Variants in TCF3 observed in about 807,000 individuals in gnomAD.
TCF3 encodes transcription factor E2-alpha.
TCF3 carries 54 observed loss-of-function variants against 72.3 expected under a neutral mutation model. The observed-to-expected ratio is 0.75, with a 90% CI of 0.60 to 0.94. The LOEUF (loss-of-function observed/expected upper bound fraction) is 0.94. Among genes scored for constraint, TCF3 ranks in the 40% least tolerant of loss-of-function variants. TCF3 has a pLI of 0.00. For missense variants in TCF3, 1,078 were observed against 934.4 expected, an observed-to-expected ratio of 1.15 and a Z score of -2.00; for synonymous variants, 525 against 412.6, an observed-to-expected ratio of 1.27 and a Z score of -3.30.
chr19:1,646,411 A>G lies in TCF3; in HGVS notation c.89T>C (p.Val30Ala). 2 of 1,550,126 alleles carry G rather than the reference A, an allele frequency of 1.3e-6. No individual in the cohort carries two copies. The change falls in exon 3 of 19, where the codon GTC (valine) becomes GCC (alanine). Residue 30 changes from valine (V) to alanine (A), a missense_variant. Coordinates refer to ENST00000262965, the MANE Select transcript of TCF3 (RefSeq NM_003200.5). The stretch of plus-strand genomic sequence containing the variant: ...GGCGGGCCGGCCCTTCCCGTTGGTG[A>G]CAGGCAGCGGGAACATCTGCAGGGA... The part of the protein sequence containing the change: ...LDFSMMFPLP[V>A]TNGKGRPASL...
chr19:1,651,742 C>T (rs2145840324), intron 1 of TCF3, among the ~76,000 whole-genome samples: 1 of 151,984 alleles, frequency 6.6e-6, no homozygotes, highest in African/African-American at 2.4e-5. Flanking sequence ...GCCTTTGAAG[C>T]TCGCAGCGCG....
rs769011342 is a variant in TCF3, at chr19:1,612,347, C to T, written c.1823-498G>A. Reference sequence around the variant, plus strand: ...GAAGGCCTCGTTAATATCCCGCACGCGCACCCGCTCCCGCGCGTTATTGGC... The same window carrying T: ...GAAGGCCTCGTTAATATCCCGCACGTGCACCCGCTCCCGCGCGTTATTGGC... On this transcript the variant is annotated intron_variant, in intron 18 of 18. Transcript: ENST00000262965. 9 of 1,613,964 alleles carry T rather than the reference C, an allele frequency of 5.6e-6. No individual in the cohort carries two copies. The highest frequency in any genetic ancestry group is 1.7e-5 in the Admixed American group (1 of 60,022).
chr19:1,629,679 C>T (rs2063461555), intron 5 of TCF3, among the ~76,000 whole-genome samples: 1 of 152,182 alleles, frequency 6.6e-6, no homozygotes, highest in Non-Finnish European at 1.5e-5. Context: ...AGGACCTGAG[C>T]CACTTAAATC....
At chr19:1,640,346 T>G (rs1158640333) in intron 3 of TCF3, among the ~76,000 whole-genome samples, 2 of 151,780 alleles carry the variant, frequency 1.3e-5, no homozygotes, top group East Asian at 3.9e-4. Flanking sequence ...CTGTCCTGGC[T>G]AACACGGTGA....
intron 3 of TCF3, among the ~76,000 whole-genome samples, chr19:1,641,157 G>A (rs550828440): frequency 1.0e-3 from 103 of 101,006 alleles, no homozygotes; most frequent in African/African-American, 4.8e-3. Flanking sequence ...AGCAAAACTC[G>A]GTCTCAAAAA....
At chr19:1,627,750 C>A (rs532960801) in intron 5 of TCF3, among the ~76,000 whole-genome samples, 12 of 151,378 alleles carry the variant, frequency 7.9e-5, no homozygotes, top group African/African-American at 2.4e-4. Flanking sequence ...GGGGGTGGGG[C>A]GGAAAGGGGA....
At chr19:1,639,771 A>C (rs1346199508) in intron 3 of TCF3, among the ~76,000 whole-genome samples, 1 of 151,076 alleles carries the variant, frequency 6.6e-6, no homozygotes, top group Non-Finnish European at 1.5e-5. Context: ...AAAAAAAAAA[A>C]AAAGGAACAA....
At chr19:1,640,557 A>C (rs139344645) in intron 3 of TCF3, among the ~76,000 whole-genome samples, 1 of 134,252 alleles carries the variant, frequency 7.4e-6, no homozygotes, top group Non-Finnish European at 1.6e-5. Context: ...AGTGGCTCAC[A>C]CCTGTAATCC....
chr19:1,613,099 GCA>G (rs2061201007), intron 18 of TCF3, among the ~76,000 whole-genome samples: 1 of 152,120 alleles, frequency 6.6e-6, no homozygotes, highest in African/African-American at 2.4e-5. Context: ...GGTGTGGACA[GCA>G]GTGGGGGTAC....
intron 8 of TCF3, among the ~76,000 whole-genome samples, chr19:1,623,041 G>A (rs1198443515): frequency 6.6e-6 from 1 of 152,148 alleles, no homozygotes; most frequent in Non-Finnish European, 1.5e-5. Context: ...GGAAGGAGGG[G>A]AGTGAGTGAT....
intron 8 of TCF3, among the ~76,000 whole-genome samples, chr19:1,623,322 A>C (rs1474161776): frequency 1.3e-5 from 2 of 150,250 alleles, no homozygotes; most frequent in Non-Finnish European, 3.0e-5. Flanking sequence ...GGAGGCAGGG[A>C]TGCGGGGCAG....
At chr19:1,627,511 A>T (rs533193743) in intron 5 of TCF3, 85 bp from the exon 6 acceptor site, 383 of 1,250,244 alleles carry the variant, frequency 3.1e-4, no homozygotes, top group East Asian at 2.0e-3. Context: ...TGCCTACAAT[A>T]GGCTCTCAGT....
In TCF3 at chr19:1,615,273, G is replaced by GC; in HGVS notation, c.1822+11dup. 1 of 1,575,298 alleles carries GC rather than the reference G, an allele frequency of 6.3e-7. No homozygotes were observed. The highest frequency in any genetic ancestry group is 8.7e-7 in the Non-Finnish European group (1 of 1,155,480). ...CGCTGCAGGGACGCTGGTGGCCCGC[G>GC]CCCCCACTGACCTCGCACTTGCTGC... On this transcript the variant is annotated intron_variant, in intron 18 of 18. Coordinates refer to ENST00000262965, the MANE Select transcript of TCF3 (RefSeq NM_003200.5). This position sits in a 1 kb window ranked among gnomAD's most constrained non-coding sequence, Gnocchi z 7.3.
At chr19:1,628,022 G>A (rs552976666) in intron 5 of TCF3, among the ~76,000 whole-genome samples, 1 of 4,014 alleles carries the variant, frequency 2.5e-4, no homozygotes, top group Admixed American at 2.2e-3. Context: ...CACAGGGGGT[G>A]AGGCGGGAAG....
Position 1,619,274 on chromosome 19 carries a change from G to C in TCF3, c.1327-40C>G, listed in dbSNP as rs374926541. The C allele has an allele frequency of 9.4e-5, 148 of 1,570,984 alleles. 1 individual carries two copies. The African/African-American group carries it at 1.6e-3, about 17-fold the overall frequency. On this transcript the variant is annotated intron_variant, in intron 15 of 18. Transcript: ENST00000262965. ...AGACGGGTGCATCAGGGGGAGCCGG[G>C]TCCCCGCCCACTGCCCAGCTCCACC...
At chr19:1,618,449 C>T (rs375911454) in intron 16 of TCF3, among the ~76,000 whole-genome samples, 3 of 152,280 alleles carry the variant, frequency 2.0e-5, no homozygotes, top group Non-Finnish European at 1.5e-5. Flanking sequence ...TTTCTCATGG[C>T]CAAATCCCAA....
rs1184180558 is a variant in TCF3 at position 1,610,840 on chromosome 19, CAT to C, written c.*865_*866del. ...GGGAACGCCCACGCATCACTTTCCA[CAT>C]GACAAAACCAAGAGAACCCCCAACA... is the stretch of plus-strand genomic sequence containing the variant. On this transcript the variant is annotated 3_prime_UTR_variant, in exon 19 of 19. Coordinates refer to ENST00000262965, the MANE Select transcript of TCF3 (RefSeq NM_003200.5). 1.9e-5 allele frequency: 4 copies of C among 210,580 alleles called. No homozygotes were observed. Among genetic ancestry groups the C allele is most frequent in the Non-Finnish European group, 3.7e-5 (4 of 108,912 alleles). 13.0% of individuals were successfully genotyped at this position (210,580 alleles called of 1,614,324 possible).
At chr19:1,627,528 ACACGACTGAGAGCGC>A in intron 5 of TCF3, 102 bp from the exon 6 acceptor site, 1 of 1,056,304 alleles carries the variant, frequency 9.5e-7, no homozygotes, top group South Asian at 1.4e-5. Flanking sequence ...CAGTAAGTGC[ACACGACTGAGAGCGC>A]CACGGCAGGA....
In TCF3 at chr19:1,621,017, G is replaced by A. The variant is rs757373271; in HGVS notation, c.1044C>T (p.Asn348=). ...SIYSPDHSSN[N]FSSSPSTPVG... is the part of the protein sequence containing the mutation. The stretch of plus-strand genomic sequence containing the variant: ...CGGGGGTAGAAGGGCTGGACGAGAA[G>A]TTATTGCTTGAGTGATCCGGGGAGT... The change falls in exon 13 of 19, where the codon AAC becomes AAT. Residue 348 remains asparagine (N), a synonymous_variant. Transcript: ENST00000262965. 2.0e-6 allele frequency: 3 copies of A among 1,522,410 alleles called. No individual in the cohort carries two copies. The highest frequency in any genetic ancestry group is 2.2e-5 in the Admixed American group (1 of 45,216). 94.3% of individuals were successfully genotyped at this position (1,522,410 alleles called of 1,614,324 possible).
Sources: allele counts gnomAD v4.1 joint callset (sites outside exome capture counted in the v4.1 genomes callset), GRCh38; gene constraint gnomAD v4.1.1; non-coding constraint Gnocchi (gnomAD v3.1); transcripts MANE v1.5; gene names NCBI Gene and HGNC (gene_info 2026-07-23, HGNC 2026-07-21).